The following CNIH3 variants were observed in gnomAD, a reference collection of about 807,000 sequenced individuals.
The protein encoded by CNIH3 is protein cornichon homolog 3.
Under a neutral mutation model 24.1 loss-of-function variants are expected in CNIH3, and 14 were observed. The observed-to-expected ratio is 0.58, with a 90% CI of 0.38 to 0.91. CNIH3 has a LOEUF of 0.91. CNIH3 is among the 40% of genes least tolerant of loss of function. CNIH3 has a pLI of 0.00. For synonymous variants in CNIH3, 68 were observed against 73.8 expected, an observed-to-expected ratio of 0.92 and a Z score of 0.40; for missense variants, 178 against 196.8, an observed-to-expected ratio of 0.90 and a Z score of 0.57.
rs534379987 is a variant in CNIH3 at position 224,452,699 on chromosome 1, A to G, written n.203+17837A>G. 5.4e-4 allele frequency among the ~76,000 whole-genome samples: 78 copies of G among 144,340 alleles called. 2 individuals carry two copies. The East Asian group carries it at 0.01, about 19-fold the overall frequency. 94.7% of individuals were successfully genotyped at this position (144,340 alleles called of 152,430 possible). On this transcript the variant is annotated intron_variant and non_coding_transcript_variant, in intron 1 of 5. Coordinates refer to the CNIH3 transcript ENST00000471578. ...CGGGAGGCTGAGGCAGGAGAATGGC[A>G]TGAACCTGGGAGGCAGAGCTTGCAG... is the stretch of plus-strand genomic sequence containing the variant.
intron 3 of CNIH3, among the ~76,000 whole-genome samples, chr1:224,552,394 C>T (rs552369714): frequency 6.6e-6 from 1 of 151,408 alleles, no homozygotes; most frequent in East Asian, 2.0e-4. Flanking sequence ...TATATCATCT[C>T]CCTTAGATAT....
intron 3 of CNIH3, among the ~76,000 whole-genome samples, chr1:224,705,857 TTC>T (rs1553294832): frequency 0.12 from 11,128 of 89,086 alleles, 816 homozygotes; most frequent in South Asian, 0.28. Context: ...TTTCTTTTTT[TTC>T]TTTTTTTTTT....
At chr1:224,650,291 C>G (rs1040144466) in intron 1 of CNIH3, among the ~76,000 whole-genome samples, 6 of 152,118 alleles carry the variant, frequency 3.9e-5, no homozygotes, top group African/African-American at 1.4e-4. Flanking sequence ...CCAGGGCGCT[C>G]TCTGCCTAAG....
chr1:224,737,129 G>T (rs1348503125), intron 5 of CNIH3, among the ~76,000 whole-genome samples: 1 of 148,292 alleles, frequency 6.7e-6, no homozygotes, highest in Non-Finnish European at 1.5e-5. Context: ...TTTCAGTTTT[G>T]TTGCAGTAAC....
chr1:224,454,865 C>T (rs988974440), intron 1 of CNIH3, among the ~76,000 whole-genome samples: 3 of 152,094 alleles, frequency 2.0e-5, no homozygotes, highest in African/African-American at 7.2e-5. Context: ...ATACACATGG[C>T]AAAACCAAAT....
chr1:224,738,610 C>T (rs549936952), intron 5 of CNIH3, among the ~76,000 whole-genome samples: 58 of 152,214 alleles, frequency 3.8e-4, no homozygotes, highest in Admixed American at 8.5e-4. Flanking sequence ...TCTTTTTCTG[C>T]GAAATAGACA....
chr1:224,691,464 C>G (rs1430592756), intron 3 of CNIH3, among the ~76,000 whole-genome samples: 1 of 152,184 alleles, frequency 6.6e-6, no homozygotes, highest in Non-Finnish European at 1.5e-5. Flanking sequence ...ATTGGATATT[C>G]CTGTGTTCCC....
At chr1:224,625,019 T>G (rs1286182048) in intron 1 of CNIH3, among the ~76,000 whole-genome samples, 3 of 152,094 alleles carry the variant, frequency 2.0e-5, no homozygotes, top group South Asian at 4.1e-4. Context: ...CAGGTCTGAG[T>G]CCCACTGTTG....
In CNIH3 at chr1:224,506,287, G is replaced by GCACACACACA. The variant is rs56331612; in HGVS notation, n.204-9446_204-9437dup. Among the ~76,000 whole-genome samples the GCACACACACA allele has an allele frequency of 2.9e-3, 429 of 147,428 alleles. 4 individuals are homozygous for GCACACACACA. The highest frequency in any genetic ancestry group is 9.7e-3 in the African/African-American group (387 of 39,780). On this transcript the variant is annotated intron_variant and non_coding_transcript_variant, in intron 1 of 5. Transcript: ENST00000471578. ...CACGCACACGCGCGCGCGCGCGCGC[G>GCACACACACA]CACACACACACACACACGGTCACTC... is the stretch of plus-strand genomic sequence containing the variant.
chr1:224,632,774 G>T (rs747016530), intron 1 of CNIH3, among the ~76,000 whole-genome samples: 5 of 152,104 alleles, frequency 3.3e-5, no homozygotes, highest in African/African-American at 4.8e-5. Context: ...TAAGAGAATT[G>T]AGCCGAGGCC....
chr1:224,540,901 C>G (rs1177289932), downstream of CNIH3, among the ~76,000 whole-genome samples: 2 of 152,084 alleles, frequency 1.3e-5, no homozygotes, highest in East Asian at 3.8e-4. Context: ...GTTCAACTTT[C>G]GAAAACTAGA....
chr1:224,681,050 G>A, intron 2 of CNIH3, 24 bp downstream of exon 2: 1 of 1,606,390 alleles, frequency 6.2e-7, no homozygotes, highest in Non-Finnish European at 8.5e-7. Flanking sequence ...ACTGGTGAGG[G>A]GAAGGTGCTA....
chr1:224,719,470 T>G (rs1327803395), intron 3 of CNIH3, among the ~76,000 whole-genome samples: 4 of 152,202 alleles, frequency 2.6e-5, no homozygotes, highest in African/African-American at 9.6e-5. Flanking sequence ...AATTGCTGCT[T>G]TTTAAAACTA....
At chr1:224,734,945 C>T (rs976511122) in intron 5 of CNIH3, among the ~76,000 whole-genome samples, 3 of 152,164 alleles carry the variant, frequency 2.0e-5, no homozygotes, top group Admixed American at 6.5e-5. Flanking sequence ...CTTAGGGCCA[C>T]GCAGTGAAAA....
At chr1:224,450,150 T>C (rs1422711852) in intron 1 of CNIH3, among the ~76,000 whole-genome samples, 1 of 152,218 alleles carries the variant, frequency 6.6e-6, no homozygotes, top group Non-Finnish European at 1.5e-5. Context: ...GCTAGAAATA[T>C]GCAGTGAACA....
intron 2 of CNIH3, among the ~76,000 whole-genome samples, chr1:224,536,182 C>T (rs1679273968): frequency 6.6e-6 from 1 of 152,004 alleles, no homozygotes; most frequent in African/African-American, 2.4e-5. Context: ...ATTTGACTTT[C>T]CAAGGATATG....
At chr1:224,715,819 C>G (rs993656964) in intron 3 of CNIH3, among the ~76,000 whole-genome samples, 1 of 152,166 alleles carries the variant, frequency 6.6e-6, no homozygotes, top group South Asian at 2.1e-4. Context: ...GGGATCCGCT[C>G]CCATGACCCA....
intron 3 of CNIH3, among the ~76,000 whole-genome samples, chr1:224,560,469 G>A (rs1680319994): frequency 1.3e-5 from 2 of 152,150 alleles, no homozygotes; most frequent in Non-Finnish European, 2.9e-5. Flanking sequence ...CAGGAGGCGA[G>A]CAGTGGGTGA....
intron 3 of CNIH3, among the ~76,000 whole-genome samples, chr1:224,708,994 T>G (rs763479410): frequency 2.0e-5 from 3 of 152,164 alleles, no homozygotes; most frequent in Non-Finnish European, 2.9e-5. Flanking sequence ...GACCTGGAAA[T>G]AGTGGATTCG....
Sources: allele counts gnomAD v4.1 joint callset (sites outside exome capture counted in the v4.1 genomes callset), GRCh38; gene constraint gnomAD v4.1.1; transcripts MANE v1.5; gene names NCBI Gene and HGNC (gene_info 2026-07-23, HGNC 2026-07-21).